C12orf42: variants seen among roughly 807,000 people sequenced by gnomAD.
C12orf42 encodes chromosome 12 open reading frame 42.
A neutral mutation model predicts 21.6 loss-of-function variants in C12orf42; 25 were observed. The observed-to-expected ratio is 1.16, with a 90% CI of 0.84 to 1.62. C12orf42 has a LOEUF of 1.62. Ranked by LOEUF, C12orf42 falls within the 40% of genes most tolerant of loss-of-function variation. C12orf42 has a pLI of 0.00. For missense variants in C12orf42, 483 were observed against 459.3 expected, an observed-to-expected ratio of 1.05 and a Z score of -0.47; for synonymous variants, 174 against 175.0, an observed-to-expected ratio of 0.99 and a Z score of 0.05.
At chr12:103,522,300 G>A in the C12orf42 span, among the ~76,000 whole-genome samples, 1 of 152,110 alleles carries the variant, frequency 6.6e-6, no homozygotes, top group East Asian at 1.9e-4. Flanking sequence ...ATGATTGTGA[G>A]GTCTCCCCAG....
chr12:103,294,617 A>AAAGAAAGAAAGG (rs2037112726), intron 4 of C12orf42, among the ~76,000 whole-genome samples: 1 of 145,548 alleles, frequency 6.9e-6, no homozygotes, highest in Non-Finnish European at 1.5e-5. Flanking sequence ...AGAAAGAAAG[A>AAAGAAAGAAAGG]AAGAAAGAAA....
At chr12:103,500,285 T>C (rs1388399696), upstream of C12orf42, among the ~76,000 whole-genome samples, 1 of 152,192 alleles carries the variant, frequency 6.6e-6, no homozygotes, top group Admixed American at 6.5e-5. Flanking sequence ...CCCCTTTCAT[T>C]TACTAACCAG....
chr12:103,489,350 A>C (rs1466845639), intron 1 of C12orf42, among the ~76,000 whole-genome samples: 3 of 152,114 alleles, frequency 2.0e-5, no homozygotes, highest in African/African-American at 7.2e-5. Context: ...ACCCACCTGT[A>C]TGAGGTGACT....
chr12:103,294,478 C>CAAGT (rs1417850548), intron 4 of C12orf42, among the ~76,000 whole-genome samples: 1 of 70,294 alleles, frequency 1.4e-5, no homozygotes, highest in Non-Finnish European at 3.0e-5. Flanking sequence ...AAGAAATAAG[C>CAAGT]AAGCAAGCAA....
intron 2 of C12orf42, among the ~76,000 whole-genome samples, chr12:103,429,147 C>G (rs755991648): frequency 2.0e-5 from 3 of 151,990 alleles, no homozygotes; most frequent in Non-Finnish European, 4.4e-5. Context: ...AAAAATAAAG[C>G]ATATTTAAAT....
At chr12:103,511,987 C>G in the C12orf42 span, among the ~76,000 whole-genome samples, 12 of 152,154 alleles carry the variant, frequency 7.9e-5, no homozygotes, top group East Asian at 2.3e-3. Context: ...CTAATCCACT[C>G]TCCCTAGAAG....
At chr12:103,214,486 C>T in the C12orf42 span, among the ~76,000 whole-genome samples, 1 of 152,146 alleles carries the variant, frequency 6.6e-6, no homozygotes, top group Non-Finnish European at 1.5e-5. Flanking sequence ...GGGACCAGCT[C>T]AGTTATCCCC....
chr12:103,200,638 A>G, the C12orf42 span, among the ~76,000 whole-genome samples: 2 of 152,222 alleles, frequency 1.3e-5, no homozygotes, highest in Non-Finnish European at 2.9e-5. Context: ...ATTTGAAAAA[A>G]AGAATGAAAT....
At chr12:103,272,526 T>C (rs1046287859) in intron 5 of C12orf42, among the ~76,000 whole-genome samples, 1 of 152,174 alleles carries the variant, frequency 6.6e-6, no homozygotes, top group African/African-American at 2.4e-5. Flanking sequence ...CATGAGAAAC[T>C]GTTTTGAAAA....
At chr12:103,119,644 T>C in the C12orf42 span, among the ~76,000 whole-genome samples, 23 of 152,350 alleles carry the variant, frequency 1.5e-4, no homozygotes, top group East Asian at 4.4e-3. Flanking sequence ...AGAAGGACTA[T>C]ATCTGACTTT....
At chr12:103,385,289 T>C (rs1839043666) in intron 3 of C12orf42, among the ~76,000 whole-genome samples, 2 of 152,326 alleles carry the variant, frequency 1.3e-5, no homozygotes, top group South Asian at 4.1e-4. Flanking sequence ...GCAAACATAC[T>C]TACCATTGTG....
At chr12:103,543,301 C>G in the C12orf42 span, among the ~76,000 whole-genome samples, 1 of 152,118 alleles carries the variant, frequency 6.6e-6, no homozygotes, top group Non-Finnish European at 1.5e-5. Flanking sequence ...TTATTCTCTT[C>G]TTATACAGTG....
intron 2 of C12orf42, among the ~76,000 whole-genome samples, chr12:103,405,517 C>T (rs916978432): frequency 6.6e-5 from 10 of 152,084 alleles, no homozygotes; most frequent in African/African-American, 2.4e-4. Flanking sequence ...TGATCATGCT[C>T]CTCAAAAAGA....
chr12:103,208,456 G>C, the C12orf42 span, among the ~76,000 whole-genome samples: 2 of 151,982 alleles, frequency 1.3e-5, no homozygotes, highest in South Asian at 4.1e-4. Context: ...AAACCACAAA[G>C]TTTTGAGCCC....
intron 2 of C12orf42, among the ~76,000 whole-genome samples, chr12:103,418,404 T>G (rs958528127): frequency 6.6e-6 from 1 of 152,190 alleles, no homozygotes; most frequent in Non-Finnish European, 1.5e-5. Context: ...TATGGAAGCA[T>G]GGAGCAGGAG....
chr12:103,430,949 A>G (rs948798503), intron 2 of C12orf42, among the ~76,000 whole-genome samples: 1 of 152,100 alleles, frequency 6.6e-6, no homozygotes, highest in African/African-American at 2.4e-5. Context: ...AATATCACAA[A>G]CTGGGGCCTG....
At chr12:103,273,786 T>G in intron 5 of C12orf42, 1 of 451,726 alleles carries the variant, frequency 2.2e-6, no homozygotes, top group African/African-American at 2.0e-5. Flanking sequence ...AGCACTTGTC[T>G]TTTACCTGAT....
At chr12:103,558,789 T>C in the C12orf42 span, 2 of 152,062 alleles carry the variant, frequency 1.3e-5, no homozygotes, top group Non-Finnish European at 2.9e-5. Flanking sequence ...AGGGAGAGAA[T>C]TTAGTGAGAG....
chr12:103,223,869 G>A, the C12orf42 span, among the ~76,000 whole-genome samples: 1 of 152,184 alleles, frequency 6.6e-6, no homozygotes, highest in Non-Finnish European at 1.5e-5. Context: ...TTTGGTGGCT[G>A]AGCTTGGTGA....
Sources: gnomAD v4.1 joint callset for allele counts (sites outside exome capture counted in the v4.1 genomes callset) on GRCh38, gnomAD v4.1.1 for gene constraint, MANE v1.5 for transcripts, NCBI Gene and HGNC (gene_info 2026-07-23, HGNC 2026-07-21) for gene names.